The following PCYT1B variants were observed in gnomAD, a reference collection of about 807,000 sequenced individuals.
PCYT1B encodes the protein phosphate cytidylyltransferase 1B, choline, also known as choline-phosphate cytidylyltransferase B.
A neutral mutation model predicts 26.4 loss-of-function variants in PCYT1B; 10 were observed. That is an observed-to-expected ratio of 0.38 (90% CI 0.23 to 0.64). The LOEUF is 0.64. Among genes scored for constraint, PCYT1B ranks in the 30% least tolerant of loss-of-function variants. PCYT1B has a pLI of 0.56. For missense variants in PCYT1B, 161 were observed against 292.7 expected, an observed-to-expected ratio of 0.55 and a Z score of 3.28; for synonymous variants, 131 against 108.4, an observed-to-expected ratio of 1.21 and a Z score of -1.29.
intron 1 of PCYT1B, among the ~76,000 whole-genome samples, chrX:24,669,338 G>A (rs1333667511): frequency 1.8e-5 from 2 of 108,380 alleles, no homozygotes; most frequent in Non-Finnish European, 3.8e-5. Flanking sequence ...CCAACATGGC[G>A]AAACCCCGTC....
At chrX:24,626,079 A>T (rs1337627725) in intron 1 of PCYT1B, among the ~76,000 whole-genome samples, 1 of 110,275 alleles carries the variant, frequency 9.1e-6, no homozygotes, top group Non-Finnish European at 1.9e-5. Context: ...ACGCCACTGC[A>T]CTCCAGCCTG....
chrX:24,604,064 A>T (rs1031365974), intron 3 of PCYT1B, among the ~76,000 whole-genome samples: 3 of 102,251 alleles, frequency 2.9e-5, no homozygotes, highest in African/African-American at 1.1e-4. Context: ...ATTAATGGAG[A>T]CATATGAAAT....
At chrX:24,601,745 C>G (rs1042016530) in intron 3 of PCYT1B, among the ~76,000 whole-genome samples, 1 of 111,633 alleles carries the variant, frequency 9.0e-6, no homozygotes, top group African/African-American at 3.3e-5. Flanking sequence ...AAACAACCTA[C>G]TATACACCTA....
intron 5 of PCYT1B, among the ~76,000 whole-genome samples, chrX:24,585,590 C>T (rs886256403): frequency 9.0e-6 from 1 of 110,740 alleles, no homozygotes; most frequent in Non-Finnish European, 1.9e-5. Flanking sequence ...TCAGAGGCTG[C>T]CACAGGGGTC....
intron 5 of PCYT1B, among the ~76,000 whole-genome samples, chrX:24,580,397 A>G (rs149285381): frequency 2.0e-3 from 223 of 112,045 alleles, no homozygotes; most frequent in Non-Finnish European, 3.7e-3. Flanking sequence ...CTCACATTAT[A>G]CTAAAGGAAA....
chrX:24,590,832 C>T (rs1222448321), intron 3 of PCYT1B, among the ~76,000 whole-genome samples: 11 of 90,395 alleles, frequency 1.2e-4, no homozygotes, highest in South Asian at 1.3e-3. Context: ...CTCGCTCTAT[C>T]GCCCAGGCTG....
At chrX:24,643,869 GGC>G (rs1161823716) in intron 1 of PCYT1B, among the ~76,000 whole-genome samples, 1 of 111,987 alleles carries the variant, frequency 8.9e-6, no homozygotes, top group African/African-American at 3.2e-5. Context: ...ATCCTAAACA[GGC>G]CCCCTGCAAA....
chrX:24,563,042 C>A (rs1263280240), intron 7 of PCYT1B, among the ~76,000 whole-genome samples: 1 of 111,603 alleles, frequency 9.0e-6, no homozygotes, highest in South Asian at 3.7e-4. Context: ...TGGTTCTTAA[C>A]ACTCTTTCCT....
In PCYT1B at chrX:24,559,802, G is replaced by C. The variant is rs887353615; in HGVS notation, c.*2491C>G. The C allele has an allele frequency of 8.9e-6, 1 of 111,784 alleles. No individual in the cohort carries two copies. Among genetic ancestry groups the C allele is most frequent in the Admixed American group, 9.5e-5 (1 of 10,515 alleles). 9.2% of individuals were successfully genotyped at this position (111,784 alleles called of 1,213,427 possible). A position where few individuals can be genotyped will look rare whatever the true frequency, so the allele number is the denominator to read the frequency against. ...GCAGGGAGGTGGTGTGGGGGTAGGGGCTGGGAGAGACTGAGAGATGGCCAA... is the reference window on the plus strand; with the variant it reads ...GCAGGGAGGTGGTGTGGGGGTAGGGCCTGGGAGAGACTGAGAGATGGCCAA... On this transcript the variant is annotated 3_prime_UTR_variant, in exon 8 of 8. Coordinates refer to ENST00000379144, the MANE Select transcript of PCYT1B (RefSeq NM_004845.5).
chrX:24,578,090 A>G (rs1924078272), intron 6 of PCYT1B, among the ~76,000 whole-genome samples: 1 of 111,479 alleles, frequency 9.0e-6, no homozygotes, highest in African/African-American at 3.3e-5. Context: ...AACCAACCCA[A>G]ACGCCCATCA....
At position 24,637,509 on chromosome X, in the gene PCYT1B, T is replaced by TATATATATATATATATATATATAA. The variant is rs779316769; in HGVS notation, c.117+9479_117+9480insTTATATATATATATATATATATAT. On this transcript the variant is annotated intron_variant, in intron 1 of 7. Coordinates refer to ENST00000379144, the MANE Select transcript of PCYT1B (RefSeq NM_004845.5). Reference sequence around the variant, plus strand: ...AAAAAAAAATATATATATATATATATATAAATTAGCTGAGCGTGGTGGCGT... The same window carrying TATATATATATATATATATATATAA: ...AAAAAAAAATATATATATATATATATATATATATATATATATATATATAAATAAATTAGCTGAGCGTGGTGGCGT... Among the ~76,000 whole-genome samples, 48 of 64,040 alleles carry TATATATATATATATATATATATAA rather than the reference T, an allele frequency of 7.5e-4. 6 individuals are homozygous for TATATATATATATATATATATATAA. The East Asian group carries it at 7.9e-3, about 11-fold the overall frequency. 55.6% of individuals were successfully genotyped at this position (64,040 alleles called of 115,157 possible).
intron 1 of PCYT1B, among the ~76,000 whole-genome samples, chrX:24,662,719 A>C (rs778578515): frequency 3.6e-5 from 4 of 111,805 alleles, no homozygotes; most frequent in Non-Finnish European, 5.6e-5. Context: ...TGCCCCTCCC[A>C]GTACAAAGTT....
At chrX:24,631,146 T>C (rs1926076557) in intron 1 of PCYT1B, among the ~76,000 whole-genome samples, 1 of 111,060 alleles carries the variant, frequency 9.0e-6, no homozygotes, top group Admixed American at 9.6e-5. Flanking sequence ...ATGGTCTTGA[T>C]CTCCTGACCT....
intron 1 of PCYT1B, among the ~76,000 whole-genome samples, chrX:24,667,905 T>A (rs1927160922): frequency 9.0e-6 from 1 of 111,706 alleles, no homozygotes; most frequent in Non-Finnish European, 1.9e-5. Flanking sequence ...GGCTAAAAAT[T>A]TTCCTTAAAG....
chrX:24,663,976 G>A (rs1927078110), intron 1 of PCYT1B, among the ~76,000 whole-genome samples: 1 of 110,193 alleles, frequency 9.1e-6, no homozygotes, highest in South Asian at 3.9e-4. Flanking sequence ...AGGGCTCCAG[G>A]GGATGGGGAA....
At chrX:24,587,934 C>T (rs1310099603) in intron 4 of PCYT1B, among the ~76,000 whole-genome samples, 1 of 112,546 alleles carries the variant, frequency 8.9e-6, no homozygotes, top group Non-Finnish European at 1.9e-5. Context: ...GGGCACCAGG[C>T]CAGGTGGGCT....
intron 1 of PCYT1B, among the ~76,000 whole-genome samples, chrX:24,656,551 CTTTTTTTTTTTTTTT>C (rs1179469896): frequency 1.8e-5 from 1 of 56,637 alleles, no homozygotes; most frequent in Non-Finnish European, 3.0e-5. Context: ...TCTTTTTTTC[CTTTTTTTTTTTTTTT>C]TTTTTTTTGA....
At chrX:24,579,643 C>T (rs1242573420) in intron 5 of PCYT1B, among the ~76,000 whole-genome samples, 185 bp from the exon 6 acceptor site, 1 of 111,030 alleles carries the variant, frequency 9.0e-6, no homozygotes, top group Non-Finnish European at 1.9e-5. Context: ...ACCTTAAATG[C>T]TACATGTTCA....
intron 1 of PCYT1B, among the ~76,000 whole-genome samples, chrX:24,665,829 G>A (rs1462211239): frequency 9.0e-6 from 1 of 110,934 alleles, no homozygotes; most frequent in Non-Finnish European, 1.9e-5. Flanking sequence ...AAATTTATGA[G>A]GCAGGTAGGT....
Sources: allele counts gnomAD v4.1 joint callset (sites outside exome capture counted in the v4.1 genomes callset), GRCh38; gene constraint gnomAD v4.1.1; transcripts MANE v1.5; gene names NCBI Gene and HGNC (gene_info 2026-07-23, HGNC 2026-07-21).